WDFY4: variants seen among roughly 807,000 people sequenced by gnomAD.
WDFY4 encodes the protein WDFY family member 4.
In WDFY4, 169 loss-of-function variants were observed where a neutral mutation model predicts 351.9. The ratio of observed to expected loss-of-function variants is 0.48; its 90% CI spans 0.42 to 0.55. WDFY4 has a LOEUF of 0.55. WDFY4 is among the 20% of genes least tolerant of loss of function. The probability of loss-of-function intolerance (pLI) is 0.00; values close to 1 mark genes in which losing one functional copy is unlikely to be tolerated. For missense variants in WDFY4, 3,803 were observed against 3,935.6 expected (o/e 0.97, Z 0.90); for synonymous variants, 1,622 against 1,574.6 (o/e 1.03, Z -0.71).
chr10:48,975,695 G>A (rs893399884), intron 58 of WDFY4, among the ~76,000 whole-genome samples: 1 of 152,176 alleles, frequency 6.6e-6, no homozygotes, highest in Non-Finnish European at 1.5e-5. Context: ...TGTTAGATGA[G>A]TAGATGGAGT....
chr10:48,765,967 G>A (rs1312126921), intron 13 of WDFY4, among the ~76,000 whole-genome samples: 1 of 152,152 alleles, frequency 6.6e-6, no homozygotes, highest in Non-Finnish European at 1.5e-5. Flanking sequence ...TAGAAAGGGT[G>A]CCATTTTCTG....
Position 48,823,324 on chromosome 10 carries a change from C to T in WDFY4, c.5982+787C>T, listed in dbSNP as rs2067891422. On this transcript the variant is annotated intron_variant, in intron 35 of 61. Transcript: ENST00000325239. ...GTCTGTGATTCTTGGAAAGAACTTT[C>T]TGTTATCAAGCTGGGATCTACCTCC... 23 of 1,282,372 alleles carry T rather than the reference C, an allele frequency of 1.8e-5. No homozygotes were observed. The South Asian group carries it at 2.9e-4, about 16-fold the overall frequency. The allele number at this position is 1,282,372 out of a possible 1,614,324, so 79.4% of individuals were successfully genotyped here.
In WDFY4 at chr10:48,725,979, G is replaced by C; in HGVS notation, c.690G>C (p.Glu230Asp). ...TGATTGCCACGACCTGCCTTCGGGA[G>C]CACAGCTGCTGCTTCTGGAAGGAAC... ...SLLIATTCLREHSCCFWKEPT... is the reference protein window; with the variant it reads ...SLLIATTCLRDHSCCFWKEPT... Residue 230 changes from glutamate to aspartate, a missense_variant, in exon 6 of 62, where the codon GAG becomes GAC. Around this residue, in one of 3 missense-constraint regions of WDFY4, gnomAD observed 488 missense variants for 456.8 expected, o/e 1.07. Coordinates refer to ENST00000325239, the MANE Select transcript of WDFY4 (RefSeq NM_001394531.1). 1.9e-6 allele frequency: 3 copies of C among 1,551,748 alleles called. No individual in the cohort carries two copies. Among genetic ancestry groups the C allele is most frequent in the Non-Finnish European group, 2.6e-6 (3 of 1,147,012 alleles).
intron 51 of WDFY4, among the ~76,000 whole-genome samples, chr10:48,955,705 T>A (rs12255663): frequency 0.012 from 1,872 of 152,350 alleles, 30 homozygotes; most frequent in African/African-American, 0.043. Flanking sequence ...GGAGAGATCA[T>A]CTGAGCATGG....
At chr10:48,944,121 T>C (rs1840925933) in intron 49 of WDFY4, among the ~76,000 whole-genome samples, 1 of 152,118 alleles carries the variant, frequency 6.6e-6, no homozygotes, top group South Asian at 2.1e-4. Context: ...GGCCATGGAA[T>C]TTGTTCCTAA....
intron 33 of WDFY4, 143 bp from the exon 34 acceptor site, chr10:48,820,918 GC>G (rs144382559): frequency 0.032 from 20,594 of 636,732 alleles, 442 homozygotes; most frequent in South Asian, 0.041. Context: ...CAGAGGGTGG[GC>G]CCCCAGAGAA....
intron 32 of WDFY4, among the ~76,000 whole-genome samples, chr10:48,818,656 A>G (rs954535004): frequency 6.6e-6 from 1 of 152,252 alleles, no homozygotes; most frequent in East Asian, 1.9e-4. Flanking sequence ...TTTTCATTAC[A>G]GTCAGTTTAA....
At chr10:48,824,582 C>T (rs1221984421) in intron 35 of WDFY4, among the ~76,000 whole-genome samples, 1 of 152,100 alleles carries the variant, frequency 6.6e-6, no homozygotes, top group Admixed American at 6.6e-5. Context: ...TGATCATTTC[C>T]TTAAATAGAG....
intron 1 of WDFY4, among the ~76,000 whole-genome samples, chr10:48,695,556 C>A (rs151215162): frequency 2.2e-3 from 335 of 152,300 alleles, no homozygotes; most frequent in African/African-American, 7.9e-3. Flanking sequence ...GTAATGCCTA[C>A]CTTACAGGTT....
intron 13 of WDFY4, among the ~76,000 whole-genome samples, chr10:48,769,119 G>A (rs1210251880): frequency 6.6e-6 from 1 of 152,222 alleles, no homozygotes; most frequent in African/African-American, 2.4e-5. Context: ...AAAGTTTGGA[G>A]CAGGCACCCA....
At chr10:48,717,240 A>G (rs770021918) in intron 2 of WDFY4, among the ~76,000 whole-genome samples, 2 of 152,210 alleles carry the variant, frequency 1.3e-5, no homozygotes, top group Non-Finnish European at 2.9e-5. Flanking sequence ...TGGGTTTCAT[A>G]TTCGTTTCAT....
intron 51 of WDFY4, among the ~76,000 whole-genome samples, chr10:48,947,773 G>A (rs935707842): frequency 1.3e-5 from 2 of 152,192 alleles, no homozygotes; most frequent in South Asian, 4.1e-4. Flanking sequence ...TTTGAACGGG[G>A]AGATAGCCCT....
chr10:48,719,938 T>C, intron 2 of WDFY4, 73 bp from the exon 3 acceptor site: 3 of 1,354,846 alleles, frequency 2.2e-6, no homozygotes, highest in South Asian at 1.3e-5. Flanking sequence ...TGGTGAAGGG[T>C]GGCATGGCAG....
At chr10:48,829,272 T>C (rs1245552967) in intron 37 of WDFY4, among the ~76,000 whole-genome samples, 2 of 152,144 alleles carry the variant, frequency 1.3e-5, no homozygotes, top group Non-Finnish European at 2.9e-5. Flanking sequence ...CTAATTTAGT[T>C]CAAGCCATTA....
rs567087500 is a variant in WDFY4 at position 48,912,558 on chromosome 10, C to T, written c.7586+10695C>T. The stretch of plus-strand genomic sequence containing the variant: ...TCTGCCCCATCTCATTTCAGTTGCT[C>T]TCTCCTCCAGCTTGCACCAGGCAAG... On this transcript the variant is annotated intron_variant, in intron 47 of 61. Coordinates refer to ENST00000325239, the MANE Select transcript of WDFY4 (RefSeq NM_001394531.1). Among the ~76,000 whole-genome samples the T allele has an allele frequency of 2.0e-5, 3 of 152,354 alleles. No individual in the cohort carries two copies. In the South Asian group the frequency reaches 6.2e-4, roughly 32 times the overall value.
Position 48,757,636 on chromosome 10 carries a change from C to T in WDFY4, c.2460-2711C>T, listed in dbSNP as rs1370799492. ...GGTTCAGGATTTTATTGTTTGTTTT[C>T]TCTTTTTTTTTACTCTTTTTTTGTT... On this transcript the variant is annotated intron_variant, in intron 12 of 61. Coordinates refer to ENST00000325239, the MANE Select transcript of WDFY4 (RefSeq NM_001394531.1). Among the ~76,000 whole-genome samples the T allele has an allele frequency of 3.3e-5, 5 of 151,766 alleles. No individual in the cohort carries two copies. The East Asian group carries it at 9.7e-4, about 29-fold the overall frequency.
At chr10:48,719,401 T>C (rs934941029) in intron 2 of WDFY4, among the ~76,000 whole-genome samples, 15 of 152,210 alleles carry the variant, frequency 9.9e-5, no homozygotes, top group African/African-American at 1.4e-4. Context: ...ATGCTCAGTG[T>C]TGCCGAGGGT....
chr10:48,858,707 A>C (rs1361741277), intron 39 of WDFY4, among the ~76,000 whole-genome samples: 1 of 151,172 alleles, frequency 6.6e-6, no homozygotes, highest in African/African-American at 2.5e-5. Context: ...TCCAATTGAC[A>C]CCAGTTTTGG....
chr10:48,752,973 T>G (rs528525588), intron 12 of WDFY4, among the ~76,000 whole-genome samples: 2 of 152,310 alleles, frequency 1.3e-5, no homozygotes, highest in South Asian at 4.1e-4. Flanking sequence ...TGAACCAATT[T>G]TACACACCCA....
Sources: gnomAD v4.1 joint callset for allele counts (sites outside exome capture counted in the v4.1 genomes callset) on GRCh38, gnomAD v4.1.1 for gene constraint, gnomAD v4.1.1 regional missense constraint, MANE v1.5 for transcripts, NCBI Gene and HGNC (gene_info 2026-07-23, HGNC 2026-07-21) for gene names.